The following EDIL3 variants were observed in gnomAD, a reference collection of about 807,000 sequenced individuals.
EDIL3 encodes the protein EGF like and discoidin domains 3.
A neutral mutation model predicts 67.4 loss-of-function variants in EDIL3; 37 were observed. The ratio of observed to expected loss-of-function variants is 0.55; its 90% CI spans 0.42 to 0.72. The LOEUF is 0.72. Ranked by LOEUF, EDIL3 falls within the 30% of genes least tolerant of loss-of-function variation. The pLI, the probability that EDIL3 is intolerant of heterozygous loss-of-function variation, is 0.00. For synonymous variants in EDIL3, 195 were observed against 196.3 expected (o/e 0.99, Z 0.05); for missense variants, 527 against 586.3 (o/e 0.90, Z 1.04).
At chr5:84,141,940 T>TCG (rs1748202359) in intron 4 of EDIL3, among the ~76,000 whole-genome samples, 2 of 87,708 alleles carry the variant, frequency 2.3e-5, no homozygotes, top group Non-Finnish European at 4.5e-5. Context: ...TATATATATA[T>TCG]ATATATACAT....
intron 5 of EDIL3, among the ~76,000 whole-genome samples, chr5:84,132,615 T>G (rs1310493726): frequency 8.3e-6 from 1 of 119,978 alleles, no homozygotes; most frequent in Non-Finnish European, 1.7e-5. Flanking sequence ...TATATAAATA[T>G]ACACACAGTA....
rs182257340 is a variant in EDIL3, at chr5:84,079,051, G to C, written c.652-12445C>G. On this transcript the variant is annotated intron_variant, in intron 6 of 10. Coordinates refer to ENST00000296591, the MANE Select transcript of EDIL3 (RefSeq NM_005711.5). ...TACTGGCCAATGATTTCATCAATCA[G>C]GCCTAAATAATGAAACTTCTATAAA... Among the ~76,000 whole-genome samples, 179 of 152,150 alleles carry C rather than the reference G, an allele frequency of 1.2e-3. No homozygotes were observed. In the Middle Eastern group the frequency reaches 0.024, roughly 20 times the overall value.
At chr5:84,282,334 G>A (rs1408370243) in intron 1 of EDIL3, among the ~76,000 whole-genome samples, 1 of 151,944 alleles carries the variant, frequency 6.6e-6, no homozygotes, top group East Asian at 1.9e-4. Context: ...CAATCTAGAG[G>A]TCTACTTTAC....
chr5:83,944,491 GAAAACAAAAC>G (rs1323829920), intron 10 of EDIL3, among the ~76,000 whole-genome samples: 2 of 146,614 alleles, frequency 1.4e-5, no homozygotes, highest in Non-Finnish European at 3.0e-5. Flanking sequence ...GTCTGCTTCA[GAAAACAAAAC>G]AAATTTAAAA....
intron 9 of EDIL3, among the ~76,000 whole-genome samples, chr5:83,994,417 G>A (rs1745202562): frequency 6.7e-6 from 1 of 148,396 alleles, no homozygotes; most frequent in African/African-American, 2.5e-5. Flanking sequence ...TACCAATTTA[G>A]GCTACTATGT....
chr5:84,380,477 C>T (rs1256252777), intron 1 of EDIL3, among the ~76,000 whole-genome samples: 1 of 152,106 alleles, frequency 6.6e-6, no homozygotes, highest in Non-Finnish European at 1.5e-5. Flanking sequence ...TTATGATTTA[C>T]TTCTGACTTG....
intron 1 of EDIL3, among the ~76,000 whole-genome samples, chr5:84,317,952 A>T (rs1169503274): frequency 6.6e-6 from 1 of 152,238 alleles, no homozygotes; most frequent in Non-Finnish European, 1.5e-5. Flanking sequence ...GCTAATAAGC[A>T]ACCTCAGCAA....
Position 83,963,189 on chromosome 5 carries a change from G to A in EDIL3, c.1293+16C>T. The A allele has an allele frequency of 1.3e-6, 2 of 1,580,198 alleles. No individual in the cohort carries two copies. Among genetic ancestry groups the A allele is most frequent in the Non-Finnish European group, 1.7e-6 (2 of 1,165,492 alleles). The stretch of plus-strand genomic sequence containing the variant: ...CCTCCACTTCTGAACTTTATAAACC[G>A]ATTTGGCTGACTTACCTTATCTTTT... On this transcript the variant is annotated intron_variant, in intron 10 of 10. Transcript: ENST00000296591.
At chr5:84,255,888 G>C (rs1745113434) in intron 1 of EDIL3, among the ~76,000 whole-genome samples, 1 of 152,120 alleles carries the variant, frequency 6.6e-6, no homozygotes, top group African/African-American at 2.4e-5. Flanking sequence ...AATCTGGAAT[G>C]GCTAAGAAAG....
chr5:84,160,145 T>G (rs1020134106), intron 4 of EDIL3, among the ~76,000 whole-genome samples: 8 of 152,164 alleles, frequency 5.3e-5, no homozygotes, highest in African/African-American at 1.7e-4. Context: ...TTGTACTGGT[T>G]TTTTTGACAG....
chr5:84,332,116 C>T (rs560627392), intron 1 of EDIL3, among the ~76,000 whole-genome samples: 2 of 152,330 alleles, frequency 1.3e-5, no homozygotes, highest in African/African-American at 2.4e-5. Flanking sequence ...TGCCTATAAT[C>T]ACAACCCTTT....
chr5:83,952,450 T>C (rs998184376), intron 10 of EDIL3, among the ~76,000 whole-genome samples: 1 of 151,798 alleles, frequency 6.6e-6, no homozygotes, highest in African/African-American at 2.4e-5. Flanking sequence ...CTTCCACTAC[T>C]CAGATTTTGA....
intron 1 of EDIL3, among the ~76,000 whole-genome samples, chr5:84,305,310 A>G (rs980215486): frequency 2.0e-5 from 3 of 152,182 alleles, no homozygotes; most frequent in Non-Finnish European, 4.4e-5. Flanking sequence ...TCAAATGGTA[A>G]AACTGTTTCT....
intron 3 of EDIL3, among the ~76,000 whole-genome samples, chr5:84,229,539 TTATTTTTCTG>T (rs1417817334): frequency 6.6e-6 from 1 of 152,134 alleles, no homozygotes; most frequent in African/African-American, 2.4e-5. Context: ...CCTCACTGTA[TTATTTTTCTG>T]TATTTTTCTC....
chr5:84,159,226 A>G (rs1308781597), intron 4 of EDIL3, among the ~76,000 whole-genome samples: 1 of 152,036 alleles, frequency 6.6e-6, no homozygotes, highest in East Asian at 1.9e-4. Flanking sequence ...AATAAACAGT[A>G]CATTTATGAG....
intron 10 of EDIL3, 83 bp downstream of exon 10, chr5:83,963,122 T>G: frequency 6.9e-7 from 1 of 1,457,362 alleles, no homozygotes; most frequent in Non-Finnish European, 9.2e-7. Flanking sequence ...TCAGTACAGA[T>G]GTATAAGCAG....
intron 6 of EDIL3, among the ~76,000 whole-genome samples, chr5:84,099,129 T>C (rs1393933915): frequency 1.3e-5 from 2 of 152,164 alleles, no homozygotes; most frequent in Non-Finnish European, 2.9e-5. Context: ...AAACATTCCA[T>C]GCACATGGAT....
intron 6 of EDIL3, among the ~76,000 whole-genome samples, chr5:84,071,203 G>T (rs1209757672): frequency 6.6e-6 from 1 of 152,166 alleles, no homozygotes; most frequent in Non-Finnish European, 1.5e-5. Context: ...GGGGACTGTA[G>T]AGTCAGTACA....
chr5:83,943,291 C>A lies in EDIL3; in HGVS notation c.*128G>T, dbSNP rs1744256736. ...CTTAAAAACACCGTTAGTTGCCTAC[C>A]ATAATTTGAGCACTTTTTCATGAAA... On this transcript the variant is annotated 3_prime_UTR_variant, in exon 11 of 11. Coordinates refer to ENST00000296591, the MANE Select transcript of EDIL3 (RefSeq NM_005711.5). 2 of 1,312,352 alleles carry A rather than the reference C, an allele frequency of 1.5e-6. No homozygotes were observed. Among genetic ancestry groups the A allele is most frequent in the Non-Finnish European group, 1.0e-6 (1 of 958,080 alleles). The allele number at this position is 1,312,352 out of a possible 1,614,324, so 81.3% of individuals were successfully genotyped here. A position where few individuals can be genotyped will look rare whatever the true frequency, so the allele number is the denominator to read the frequency against.
Sources: gnomAD v4.1 joint callset for allele counts (sites outside exome capture counted in the v4.1 genomes callset) on GRCh38, gnomAD v4.1.1 for gene constraint, MANE v1.5 for transcripts, NCBI Gene and HGNC (gene_info 2026-07-23, HGNC 2026-07-21) for gene names.